Variants in CCDC171 observed in about 807,000 individuals in gnomAD.
CCDC171 encodes the protein coiled-coil domain-containing protein 171.
A neutral mutation model predicts 168.2 loss-of-function variants in CCDC171; 177 were observed. The ratio of observed to expected loss-of-function variants is 1.05; its 90% CI spans 0.93 to 1.19. The LOEUF (loss-of-function observed/expected upper bound fraction) is 1.19, where lower values mean the gene tolerates loss of function less well. Among genes scored for constraint, CCDC171 ranks in the 50% most tolerant of loss-of-function variants. CCDC171 has a pLI of 0.00. For missense variants in CCDC171, 1,991 were observed against 1,539.0 expected (o/e 1.29, Z -4.91); for synonymous variants, 687 against 540.8 (o/e 1.27, Z -3.75).
At chr9:16,058,736 A>T (rs1420138269) in intron 1 of CCDC171, among the ~76,000 whole-genome samples, 1 of 152,176 alleles carries the variant, frequency 6.6e-6, no homozygotes, top group Non-Finnish European at 1.5e-5. Flanking sequence ...GCCAAACTGG[A>T]GCTGTTGTTT....
intron 16 of CCDC171, among the ~76,000 whole-genome samples, chr9:15,733,563 T>G (rs1457268794): frequency 6.6e-6 from 1 of 152,024 alleles, no homozygotes; most frequent in Non-Finnish European, 1.5e-5. Context: ...CCTTGTACCT[T>G]TATCAAAAAT....
Position 15,623,475 on chromosome 9 carries a change from G to GCGCGCAAACACA in CCDC171, c.822+63_822+64insGCGCAAACACAC. 6.4e-6 allele frequency: 2 copies of GCGCGCAAACACA among 311,464 alleles called. 1 individual carries two copies. The highest frequency in any genetic ancestry group is 1.2e-5 in the Non-Finnish European group (2 of 170,854). The allele number at this position is 311,464 out of a possible 1,614,324, so 19.3% of individuals were successfully genotyped here. A position where few individuals can be genotyped will look rare whatever the true frequency, so the allele number is the denominator to read the frequency against. Reference sequence around the variant, plus strand: ...CAAACTTTCACATATGCGCGCGCGCGCACACACACACACACACACACACAC... The same window carrying GCGCGCAAACACA: ...CAAACTTTCACATATGCGCGCGCGCGCGCGCAAACACACACACACACACACACACACACACAC... On this transcript the variant is annotated intron_variant, in intron 7 of 25. Coordinates refer to ENST00000380701, the MANE Select transcript of CCDC171 (RefSeq NM_173550.4).
intron 25 of CCDC171, among the ~76,000 whole-genome samples, chr9:15,930,270 A>C (rs181408623): frequency 6.1e-4 from 93 of 151,708 alleles, no homozygotes; most frequent in African/African-American, 2.1e-3. Flanking sequence ...ATTTCCATCA[A>C]ACTGTTTTAT....
intron 10 of CCDC171, among the ~76,000 whole-genome samples, chr9:15,687,425 CTT>C (rs2050475481): frequency 5.0e-5 from 1 of 19,894 alleles, no homozygotes; most frequent in African/African-American, 1.1e-4. Context: ...GACCCCGTCT[CTT>C]AAAAAAAAAA....
At chr9:15,779,174 C>T in intron 20 of CCDC171, 24 bp downstream of exon 20, 1 of 1,365,692 alleles carries the variant, frequency 7.3e-7, no homozygotes, top group South Asian at 1.8e-5. Context: ...ATTTAGGAAA[C>T]TGTTGCTTTG....
the CCDC171 span, among the ~76,000 whole-genome samples, chr9:16,090,851 G>T: frequency 6.6e-6 from 1 of 152,184 alleles, no homozygotes; most frequent in African/African-American, 2.4e-5. Flanking sequence ...TTAATACAAT[G>T]AAGAAAAATA....
chr9:15,975,678 A>T (rs1036344345), downstream of CCDC171, among the ~76,000 whole-genome samples: 1 of 152,304 alleles, frequency 6.6e-6, no homozygotes, highest in African/African-American at 2.4e-5. Context: ...CCAATGGAAA[A>T]TAATGACATA....
intron 24 of CCDC171, among the ~76,000 whole-genome samples, chr9:15,880,735 C>G (rs576511173): frequency 1.6e-4 from 24 of 151,690 alleles, no homozygotes; most frequent in African/African-American, 5.8e-4. Flanking sequence ...CTCAGCCTCC[C>G]AAAGTGCTGG....
At chr9:16,027,963 C>G (rs77211743) in intron 6 of CCDC171, among the ~76,000 whole-genome samples, 2,420 of 152,240 alleles carry the variant, frequency 0.016, 75 homozygotes, top group South Asian at 0.11. Flanking sequence ...TCCTGTATCA[C>G]TAGGTGTAAG....
intron 2 of CCDC171, among the ~76,000 whole-genome samples, chr9:15,568,426 A>G (rs2132652220): frequency 7.6e-6 from 1 of 132,190 alleles, no homozygotes; most frequent in African/African-American, 2.5e-5. Flanking sequence ...GCCCGCCACC[A>G]CGCCTGGAGA....
chr9:16,038,546 A>G (rs1263811373), upstream of CCDC171, among the ~76,000 whole-genome samples: 1 of 152,162 alleles, frequency 6.6e-6, no homozygotes, highest in East Asian at 1.9e-4. Context: ...ATCTGTATGT[A>G]TATACAGAAA....
chr9:15,869,774 C>T (rs141287182), intron 23 of CCDC171, among the ~76,000 whole-genome samples: 12 of 151,448 alleles, frequency 7.9e-5, no homozygotes, highest in African/African-American at 2.7e-4. Flanking sequence ...TATCAGGAGA[C>T]GGTATACAGA....
At chr9:15,632,396 A>C (rs1338410759) in intron 7 of CCDC171, among the ~76,000 whole-genome samples, 1 of 151,640 alleles carries the variant, frequency 6.6e-6, no homozygotes, top group Non-Finnish European at 1.5e-5. Flanking sequence ...CAGAGAGCCA[A>C]ATAATGAGTG....
chr9:16,084,015 T>C, the CCDC171 span, among the ~76,000 whole-genome samples: 2 of 152,346 alleles, frequency 1.3e-5, no homozygotes, highest in South Asian at 4.1e-4. Flanking sequence ...AACATGGTTT[T>C]TCTACTTGAG....
At chr9:15,624,962 C>T (rs1243553531) in intron 7 of CCDC171, among the ~76,000 whole-genome samples, 4 of 152,170 alleles carry the variant, frequency 2.6e-5, no homozygotes, top group Admixed American at 6.5e-5. Flanking sequence ...TTCTCCACAT[C>T]CTCTCCAGCA....
chr9:15,901,730 C>T (rs1286953136), intron 24 of CCDC171, among the ~76,000 whole-genome samples: 2 of 152,112 alleles, frequency 1.3e-5, no homozygotes, highest in Non-Finnish European at 2.9e-5. Flanking sequence ...TTAATGTGTC[C>T]TGTAAGGTAC....
intron 3 of CCDC171, among the ~76,000 whole-genome samples, chr9:15,994,374 G>A (rs1832304094): frequency 6.6e-6 from 1 of 152,116 alleles, no homozygotes; most frequent in Non-Finnish European, 1.5e-5. Context: ...CTCATAGGTG[G>A]GAATTGAACA....
At chr9:15,969,838 T>C (rs1831169204) in intron 25 of CCDC171, among the ~76,000 whole-genome samples, 2 of 152,166 alleles carry the variant, frequency 1.3e-5, no homozygotes. Context: ...TAAAAAATGA[T>C]TCTAGCAGCA....
chr9:15,771,424 TTTGA>T (rs1332856156), intron 18 of CCDC171, among the ~76,000 whole-genome samples: 1 of 152,210 alleles, frequency 6.6e-6, no homozygotes, highest in African/African-American at 2.4e-5. Context: ...ATTTGTATTC[TTTGA>T]TTGGTAGTTA....
Sources: allele counts gnomAD v4.1 joint callset (sites outside exome capture counted in the v4.1 genomes callset), GRCh38; gene constraint gnomAD v4.1.1; transcripts MANE v1.5; gene names NCBI Gene and HGNC (gene_info 2026-07-23, HGNC 2026-07-21).